The following HMGB1 variants were observed in gnomAD, a reference collection of about 807,000 sequenced individuals.
HMGB1 encodes the protein high mobility group protein B1.
For synonymous variants in HMGB1, 81 were observed against 84.0 expected (o/e 0.96, Z 0.19); for missense variants, 79 against 253.5 (o/e 0.31, Z 4.67).
intron 1 of HMGB1, among the ~76,000 whole-genome samples, chr13:30,582,220 T>C (rs1010555567): frequency 2.4e-4 from 37 of 152,218 alleles, no homozygotes; most frequent in Non-Finnish European, 4.9e-4. Context: ...CATACTTTAT[T>C]GGAATTAGCA....
At chr13:30,570,310 A>G in intron 1 of HMGB1, among the ~76,000 whole-genome samples, 1 of 152,214 alleles carries the variant, frequency 6.6e-6, no homozygotes, top group East Asian at 1.9e-4. Context: ...GAAGAAAGAA[A>G]GTAATAATGA....
intron 1 of HMGB1, among the ~76,000 whole-genome samples, chr13:30,570,276 G>A (rs1870370617): frequency 6.6e-6 from 1 of 152,188 alleles, no homozygotes; most frequent in Non-Finnish European, 1.5e-5. Flanking sequence ...AACATAGCGA[G>A]ACCTTTTCTC....
At chr13:30,476,900 C>A (rs73451973) in intron 1 of HMGB1, among the ~76,000 whole-genome samples, 7,023 of 150,376 alleles carry the variant, frequency 0.047, 522 homozygotes, top group African/African-American at 0.16. Flanking sequence ...TTAATCCTAA[C>A]AGTAATCCTA....
chr13:30,614,394 C>G (rs1950541196), intron 1 of HMGB1, among the ~76,000 whole-genome samples: 1 of 152,222 alleles, frequency 6.6e-6, no homozygotes, highest in South Asian at 2.1e-4. Context: ...ATAAGGAACT[C>G]TCCTTAAGAG....
chr13:30,478,938 A>G (rs1383373821), intron 1 of HMGB1, among the ~76,000 whole-genome samples: 1 of 147,960 alleles, frequency 6.8e-6, no homozygotes, highest in African/African-American at 2.5e-5. Context: ...GCGCGATCTC[A>G]GCTCACTGCA....
chr13:30,462,741 A>C, intron 3 of HMGB1, 29 bp from the exon 4 acceptor site: 1 of 1,577,842 alleles, frequency 6.3e-7, no homozygotes, highest in Non-Finnish European at 8.7e-7. Context: ...TTAGGATTTT[A>C]AGTTAACAGA....
intron 1 of HMGB1, among the ~76,000 whole-genome samples, chr13:30,597,088 T>C (rs1478672244): frequency 6.6e-6 from 1 of 152,190 alleles, no homozygotes; most frequent in South Asian, 2.1e-4. Flanking sequence ...ATGGGTTAGA[T>C]TATGCCCCTT....
chr13:30,511,847 A>G (rs945314429), intron 1 of HMGB1, among the ~76,000 whole-genome samples: 4 of 152,074 alleles, frequency 2.6e-5, no homozygotes, highest in Non-Finnish European at 1.5e-5. Context: ...GAGGTTCCCT[A>G]CTATTCAGAG....
intron 1 of HMGB1, among the ~76,000 whole-genome samples, chr13:30,570,035 A>G (rs1870361409): frequency 6.6e-6 from 1 of 152,224 alleles, no homozygotes; most frequent in Admixed American, 6.5e-5. Flanking sequence ...TTACAAACCC[A>G]GTGCATTCCC....
chr13:30,543,769 C>A (rs1361359627), intron 1 of HMGB1, among the ~76,000 whole-genome samples: 1 of 152,166 alleles, frequency 6.6e-6, no homozygotes, highest in Non-Finnish European at 1.5e-5. Context: ...AAAATGTACA[C>A]CCATGATTTC....
intron 1 of HMGB1, among the ~76,000 whole-genome samples, chr13:30,495,548 G>A (rs1216754216): frequency 6.7e-6 from 1 of 150,106 alleles, no homozygotes; most frequent in Non-Finnish European, 1.5e-5. Flanking sequence ...GCACCATCTC[G>A]GCTCACTGCA....
chr13:30,576,180 T>C (rs527630669), intron 1 of HMGB1, among the ~76,000 whole-genome samples: 3 of 152,314 alleles, frequency 2.0e-5, no homozygotes, highest in African/African-American at 7.2e-5. Context: ...TTTTATAACA[T>C]AGACCCAATT....
intron 1 of HMGB1, among the ~76,000 whole-genome samples, chr13:30,596,052 G>A (rs936382585): frequency 6.6e-6 from 1 of 152,198 alleles, no homozygotes; most frequent in Non-Finnish European, 1.5e-5. Context: ...AGGGGAGTGC[G>A]AAGAAGGTGC....
At chr13:30,475,748 T>C (rs1593265223) in intron 1 of HMGB1, among the ~76,000 whole-genome samples, 1 of 152,102 alleles carries the variant, frequency 6.6e-6, no homozygotes, top group South Asian at 2.1e-4. Context: ...ATCTTCACAA[T>C]AAAAAATCCA....
At chr13:30,464,449 G>A (rs1249833625) in intron 1 of HMGB1, 20 of 985,182 alleles carry the variant, frequency 2.0e-5, no homozygotes, top group Non-Finnish European at 2.2e-5. Context: ...CGTGAAAGTT[G>A]GGGTGACTCC....
chr13:30,612,357 A>C (rs988233140), intron 1 of HMGB1, among the ~76,000 whole-genome samples: 10 of 152,328 alleles, frequency 6.6e-5, no homozygotes, highest in Admixed American at 6.5e-4. Flanking sequence ...ACTCGAGCTA[A>C]GACTCCAAGG....
At chr13:30,563,283 G>C (rs968293510) in intron 1 of HMGB1, among the ~76,000 whole-genome samples, 1 of 152,202 alleles carries the variant, frequency 6.6e-6, no homozygotes, top group Non-Finnish European at 1.5e-5. Context: ...TGCCTGGCCA[G>C]GAGTGATAAC....
At chr13:30,563,017 G>T (rs1377756067) in intron 1 of HMGB1, among the ~76,000 whole-genome samples, 2 of 152,148 alleles carry the variant, frequency 1.3e-5, no homozygotes, top group African/African-American at 4.8e-5. Context: ...GGTTTGGGGG[G>T]TAAAAAAAAT....
chr13:30,617,385 G>A (rs1950577959), exon 1 of HMGB1: 1 of 152,172 alleles, frequency 6.6e-6, no homozygotes, highest in Admixed American at 6.5e-5. Flanking sequence ...CGAGGCTTTG[G>A]GAGAGCGGAC....
Sources: allele counts gnomAD v4.1 joint callset (sites outside exome capture counted in the v4.1 genomes callset), GRCh38; gene constraint gnomAD v4.1.1; transcripts MANE v1.5; gene names NCBI Gene and HGNC (gene_info 2026-07-23, HGNC 2026-07-21).